Variants in KANK2 observed in about 807,000 individuals in gnomAD.
KANK2 encodes KN motif and ankyrin repeat domain-containing protein 2.
In KANK2, 41 loss-of-function variants were observed where a neutral mutation model predicts 74.6. The observed-to-expected ratio is 0.55, with a 90% confidence interval of 0.43 to 0.71. The LOEUF (loss-of-function observed/expected upper bound fraction) is 0.71, where lower values mean the gene tolerates loss of function less well. Among genes scored for constraint, KANK2 ranks in the 30% least tolerant of loss-of-function variants. The probability of loss-of-function intolerance (pLI) is 0.00; values close to 1 mark genes in which losing one functional copy is unlikely to be tolerated. For missense variants in KANK2, 1,148 were observed against 1,196.4 expected (o/e 0.96, Z 0.60); for synonymous variants, 537 against 519.0 (o/e 1.03, Z -0.47).
At chr19:11,167,671 G>GTGCCCACC (rs2078060316) in intron 12 of KANK2, among the ~76,000 whole-genome samples, 1 of 151,812 alleles carries the variant, frequency 6.6e-6, no homozygotes, top group Non-Finnish European at 1.5e-5. Flanking sequence ...GGGATTACAG[G>GTGCCCACC]TGCCCACCAC....
In KANK2 at chr19:11,176,804, A is replaced by AC; in HGVS notation, c.1533_1534insG (p.Ser512ValfsTer64). 1 of 1,527,094 alleles carries AC rather than the reference A, an allele frequency of 6.5e-7. No individual in the cohort carries two copies. The highest frequency in any genetic ancestry group is 8.8e-7 in the Non-Finnish European group (1 of 1,134,390). 94.6% of individuals were successfully genotyped at this position (1,527,094 alleles called of 1,614,324 possible). On this transcript the variant is annotated frameshift_variant, in exon 7 of 13. Transcript: ENST00000586659. LOFTEE classifies it high-confidence loss of function. ...TTCTCTGCTGTGCTGGAGTCCTCGG[A>AC]TGACGACTCATACCTGGGGAGGAAC...
intron 12 of KANK2, among the ~76,000 whole-genome samples, chr19:11,168,679 C>T (rs901917389): frequency 6.6e-6 from 1 of 152,126 alleles, no homozygotes; most frequent in African/African-American, 2.4e-5. Context: ...CTGGGCCTAA[C>T]ATGCAGCAGG....
Position 11,192,828 on chromosome 19 carries a change from T to G in KANK2, c.1249+3A>C. ...TCTCCCCTGCCTGCCTGCGACCGCT[T>G]ACCTGCTGCTCCATCGCAGCTTCGC... On this transcript the variant is annotated splice_donor_region_variant and intron_variant, in intron 4 of 12. Coordinates refer to ENST00000586659, the MANE Select transcript of KANK2 (RefSeq NM_001136191.3). 1 of 1,597,652 alleles carries G rather than the reference T, an allele frequency of 6.3e-7. No individual in the cohort carries two copies. Among genetic ancestry groups the G allele is most frequent in the Non-Finnish European group, 8.5e-7 (1 of 1,172,246 alleles).
At chr19:11,166,847 A>G (rs1405372906) in intron 12 of KANK2, among the ~76,000 whole-genome samples, 1 of 152,150 alleles carries the variant, frequency 6.6e-6, no homozygotes, top group Non-Finnish European at 1.5e-5. Flanking sequence ...GTGGCTGGTC[A>G]GGGAGGGTGA....
chr19:11,192,860 A>T lies in KANK2; in HGVS notation c.1220T>A (p.Ile407Asn), dbSNP rs1386585705. Residue 407 changes from isoleucine to asparagine, a missense_variant, in exon 4 of 13, where the codon ATC becomes AAC. Transcript: ENST00000586659. ...TGCTCCATCGCAGCTTCGCTCTGTG[A>T]TGCTAATCTTCTTCACCATATGGAC... ...SNVHMVKKIS[I>N]TERSCDGAAG... 6.5e-7 allele frequency: 1 copy of T among 1,545,930 alleles called. No homozygotes were observed. Among genetic ancestry groups the T allele is most frequent in the Non-Finnish European group, 8.8e-7 (1 of 1,139,064 alleles).
chr19:11,193,847 C>G lies in KANK2; in HGVS notation c.233G>C (p.Gly78Ala). 1 of 1,612,690 alleles carries G rather than the reference C, an allele frequency of 6.2e-7. No homozygotes were observed. Among genetic ancestry groups the G allele is most frequent in the Non-Finnish European group, 8.5e-7 (1 of 1,179,544 alleles). The change falls in exon 4 of 13, where the codon GGC becomes GCC. Residue 78 changes from glycine to alanine, a missense_variant. By Grantham distance (60) the Gly-to-Ala change is moderately conservative (BLOSUM62 0). Coordinates refer to ENST00000586659, the MANE Select transcript of KANK2 (RefSeq NM_001136191.3). This position sits in a 1 kb window ranked among gnomAD's most constrained non-coding sequence, Gnocchi z 9.6. ...PRLSSLPRGP[G>A]SWWTSTESLC... Reference sequence around the variant, plus strand: ...CGACTCAGTGGACGTCCACCAGGAGCCAGGGCCACGGGGCAGCGAGCTCAG... The same window carrying G: ...CGACTCAGTGGACGTCCACCAGGAGGCAGGGCCACGGGGCAGCGAGCTCAG...
rs201885542 is a variant in KANK2 at position 11,170,270 on chromosome 19, A to G, written c.2212-22T>C. 1.0e-5 allele frequency: 16 copies of G among 1,603,562 alleles called. No homozygotes were observed. In the East Asian group the frequency reaches 3.1e-4, roughly 31 times the overall value. On this transcript the variant is annotated intron_variant, in intron 10 of 12. Transcript: ENST00000586659. This position sits in a 1 kb window ranked among gnomAD's most constrained non-coding sequence, Gnocchi z 5.2. ...CTGCCTGGGGAGGGCAAGGAACAGG[A>G]TTATGGTTCATGCAGGCCCCAGGGC... is the stretch of plus-strand genomic sequence containing the variant.
chr19:11,177,289 T>C (rs1328526730), intron 6 of KANK2, among the ~76,000 whole-genome samples: 2 of 152,088 alleles, frequency 1.3e-5, no homozygotes, highest in Non-Finnish European at 2.9e-5. Context: ...GGTTTCGCCA[T>C]GTTGCCATGT....
At position 11,193,110 on chromosome 19, in the gene KANK2, G is replaced by C. The variant is rs776066667; in HGVS notation, c.970C>G (p.Pro324Ala). 49 of 1,606,134 alleles carry C rather than the reference G, an allele frequency of 3.1e-5. No individual in the cohort carries two copies. The highest frequency in any genetic ancestry group is 4.0e-5 in the Non-Finnish European group (47 of 1,176,040). The change falls in exon 4 of 13, where the codon CCG becomes GCG. Residue 324 changes from proline to alanine, a missense_variant. Physicochemically the swap from Pro to Ala is conservative, Grantham distance 27 (BLOSUM62 -1). Coordinates refer to ENST00000586659, the MANE Select transcript of KANK2 (RefSeq NM_001136191.3). The surrounding 1 kb of genome is among the most constrained non-coding windows in gnomAD (Gnocchi z 9.6). Reference protein sequence around the residue: ...QPQAWPPPDSPVRVDTVRVVE... With the variant: ...QPQAWPPPDSAVRVDTVRVVE... The stretch of plus-strand genomic sequence containing the variant: ...ACCCGGACTGTATCCACGCGGACCG[G>C]GCTGTCCGGCGGTGGCCAGGCCTGG...
At chr19:11,173,185 C>T (rs138964602) in intron 9 of KANK2, 62 bp from the exon 10 acceptor site, 15 of 1,546,294 alleles carry the variant, frequency 9.7e-6, no homozygotes, top group East Asian at 6.8e-5. Flanking sequence ...CCCCAAGGAA[C>T]GTGGATACCA....
chr19:11,177,221 G>T (rs1171664508), intron 6 of KANK2, among the ~76,000 whole-genome samples: 3 of 150,434 alleles, frequency 2.0e-5, no homozygotes, highest in Non-Finnish European at 4.4e-5. Flanking sequence ...CAAATACCTG[G>T]GACTACAGGT....
chr19:11,187,751 C>T (rs984436559), intron 4 of KANK2, among the ~76,000 whole-genome samples: 4 of 152,302 alleles, frequency 2.6e-5, no homozygotes, highest in Admixed American at 2.6e-4. Context: ...AAAAGGTATA[C>T]ATTAAATATG....
intron 4 of KANK2, among the ~76,000 whole-genome samples, chr19:11,190,642 C>T (rs1568652221): frequency 2.6e-5 from 4 of 152,150 alleles, no homozygotes; most frequent in African/African-American, 9.7e-5. Flanking sequence ...ACGTTTAGGG[C>T]TAGAGAGGTG....
chr19:11,177,634 G>A (rs568571097), intron 6 of KANK2, among the ~76,000 whole-genome samples: 2 of 152,292 alleles, frequency 1.3e-5, no homozygotes, highest in South Asian at 4.1e-4. Flanking sequence ...TTACAGATGT[G>A]AGCCACCGCG....
chr19:11,172,915 C>T (rs1454003935), intron 10 of KANK2, 66 bp downstream of exon 10: 51 of 1,559,022 alleles, frequency 3.3e-5, no homozygotes, highest in Non-Finnish European at 4.3e-5. Flanking sequence ...TTGGGCCTGT[C>T]ACTCAGCTGG....
At chr19:11,173,607 CAGGCGTGTT>C (rs1323125779) in intron 9 of KANK2, among the ~76,000 whole-genome samples, 1 of 152,234 alleles carries the variant, frequency 6.6e-6, no homozygotes, top group Non-Finnish European at 1.5e-5. Context: ...CTCCATCATG[CAGGCGTGTT>C]AGGTTCACAC....
At position 11,194,031 on chromosome 19, in the gene KANK2, G is replaced by A; in HGVS notation, c.49C>T (p.Pro17Ser). Residue 17 changes from proline to serine, a missense_variant, in exon 4 of 13, where the codon CCA becomes TCA. Coordinates refer to ENST00000586659, the MANE Select transcript of KANK2 (RefSeq NM_001136191.3). ...GCAGGGAAGGCAGGTGGGGAGGCTG[G>A]GCCAGGGGTCCCTGGGGATGGGAGA... ...VPAPFPGTPG[P>S]ASPPAFPAKD... 6.2e-7 allele frequency: 1 copy of A among 1,606,540 alleles called. No individual in the cohort carries two copies. The highest frequency in any genetic ancestry group is 8.5e-7 in the Non-Finnish European group (1 of 1,175,572).
At chr19:11,184,235 G>A (rs540900486) in intron 4 of KANK2, among the ~76,000 whole-genome samples, 1 of 150,380 alleles carries the variant, frequency 6.6e-6, no homozygotes, top group South Asian at 2.1e-4. Flanking sequence ...AATTAGCAGA[G>A]TATGCTGGCA....
chr19:11,183,400 G>A (rs1220808527), intron 4 of KANK2, among the ~76,000 whole-genome samples: 1 of 152,224 alleles, frequency 6.6e-6, no homozygotes, highest in Non-Finnish European at 1.5e-5. Context: ...GAAAGAAACT[G>A]TGAAGAATTA....
Sources: gnomAD v4.1 joint callset for allele counts (sites outside exome capture counted in the v4.1 genomes callset) on GRCh38, gnomAD v4.1.1 for gene constraint, Gnocchi (gnomAD v3.1) non-coding constraint, MANE v1.5 for transcripts, NCBI Gene and HGNC (gene_info 2026-07-23, HGNC 2026-07-21) for gene names.